Variants in PCK2 observed in about 807,000 individuals in gnomAD.
PCK2 encodes phosphoenolpyruvate carboxykinase 2, mitochondrial, also known as phosphoenolpyruvate carboxykinase [GTP], mitochondrial.
In PCK2, 56 loss-of-function variants were observed where a neutral mutation model predicts 65.9. The observed-to-expected ratio is 0.85, with a 90% CI of 0.69 to 1.06. PCK2 has a LOEUF of 1.06. PCK2 is among the 50% of genes least tolerant of loss of function. The probability of loss-of-function intolerance (pLI) is 0.00; values close to 1 mark genes in which losing one functional copy is unlikely to be tolerated. For synonymous variants in PCK2, 305 were observed against 319.6 expected, an observed-to-expected ratio of 0.95 and a Z score of 0.49; for missense variants, 843 against 863.1, an observed-to-expected ratio of 0.98 and a Z score of 0.29.
chr14:24,100,919 C>T (rs534892520), intron 7 of PCK2, among the ~76,000 whole-genome samples: 1 of 152,336 alleles, frequency 6.6e-6, no homozygotes, highest in South Asian at 2.1e-4. Context: ...CAGCCCTGCA[C>T]TCTGGACCTT....
chr14:24,103,489 C>G, intron 9 of PCK2, 21 bp from the exon 10 acceptor site: 1 of 1,530,536 alleles, frequency 6.5e-7, no homozygotes, highest in South Asian at 1.3e-5. Flanking sequence ...AGATTCCTTA[C>G]CCATCTTGCT....
chr14:24,104,120 AT>A lies in PCK2; in HGVS notation c.*160del. On this transcript the variant is annotated 3_prime_UTR_variant, in exon 10 of 10. Transcript: ENST00000216780. ...GTCCAATAATAAGAGATGCTTATCT[AT>A]TTTACACAAGATTTGTGCTGTTTTC... 1 of 617,308 alleles carries A rather than the reference AT, an allele frequency of 1.6e-6. No individual in the cohort carries two copies. Among genetic ancestry groups the A allele is most frequent in the Non-Finnish European group, 2.9e-6 (1 of 344,650 alleles). 38.2% of individuals were successfully genotyped at this position (617,308 alleles called of 1,614,324 possible).
At chr14:24,100,372 T>C (rs990428663) in intron 7 of PCK2, 159 bp downstream of exon 7, 1 of 1,426,988 alleles carries the variant, frequency 7.0e-7, no homozygotes, top group South Asian at 1.5e-5. Context: ...TCTCAGTTCA[T>C]GTCCCAACTC....
intron 7 of PCK2, chr14:24,100,599 A>G: frequency 9.3e-7 from 1 of 1,071,974 alleles, no homozygotes; most frequent in Non-Finnish European, 1.1e-6. Flanking sequence ...AGGAAAAGGA[A>G]GGACTTTTGA....
rs1566577887 is a variant in PCK2, at chr14:24,099,607, C to G, written c.902C>G (p.Ala301Gly). 1 of 1,613,324 alleles carries G rather than the reference C, an allele frequency of 6.2e-7. No individual in the cohort carries two copies. The highest frequency in any genetic ancestry group is 1.1e-5 in the South Asian group (1 of 90,920). Reference protein sequence around the residue: ...PAGKKRYVAAAFPSACGKTNL... With the variant: ...PAGKKRYVAAGFPSACGKTNL... ...GGGAAGAAGCGCTATGTGGCAGCCGCCTTCCCTAGTGCCTGTGGCAAGACC... is the reference window on the plus strand; with the variant it reads ...GGGAAGAAGCGCTATGTGGCAGCCGGCTTCCCTAGTGCCTGTGGCAAGACC... Residue 301 changes from alanine (A) to glycine (G), a missense_variant, in exon 6 of 10, where the codon GCC becomes GGC. Ala to Gly is a moderately conservative substitution (Grantham distance 60, BLOSUM62 0). Coordinates refer to ENST00000216780, the MANE Select transcript of PCK2 (RefSeq NM_004563.4).
intron 2 of PCK2, among the ~76,000 whole-genome samples, chr14:24,097,432 C>T (rs951237544): frequency 5.3e-5 from 8 of 151,136 alleles, no homozygotes; most frequent in African/African-American, 1.5e-4. Context: ...AGCATGGCAG[C>T]GCATGCCTGT....
rs145739132 is a variant in PCK2 at position 24,103,948 on chromosome 14, G to C, written c.1907G>C (p.Arg636Pro). The C allele has an allele frequency of 1.2e-6, 2 of 1,613,652 alleles. No individual in the cohort carries two copies. Among genetic ancestry groups the C allele is most frequent in the Admixed American group, 3.3e-5 (2 of 60,030 alleles). ...GCTGAGCTTGAGGCCCTGGAGAGAC[G>C]TGTGCACAAAATGTGACCTGAGGCC... is the stretch of plus-strand genomic sequence containing the variant. ...VLAELEALER[R>P]VHKM The change falls in exon 10 of 10, where the codon CGT becomes CCT. Residue 636 changes from arginine to proline, a missense_variant. Coordinates refer to ENST00000216780, the MANE Select transcript of PCK2 (RefSeq NM_004563.4).
chr14:24,103,137 G>A (rs760364621), intron 8 of PCK2, 23 bp from the exon 9 acceptor site: 6 of 1,580,358 alleles, frequency 3.8e-6, no homozygotes, highest in Non-Finnish European at 5.2e-6. Flanking sequence ...GGCTGCCTGT[G>A]ACTCTGTTCA....
rs910897769 is a variant in PCK2 at position 24,103,443 on chromosome 14, G to A, written c.1469-67G>A. 2.9e-6 allele frequency: 4 copies of A among 1,373,660 alleles called. No individual in the cohort carries two copies. In the African/African-American group the frequency reaches 5.8e-5, roughly 20 times the overall value. The allele number at this position is 1,373,660 out of a possible 1,614,324, so 85.1% of individuals were successfully genotyped here. On this transcript the variant is annotated intron_variant, in intron 9 of 9. Transcript: ENST00000216780. ...AGCCTTTCACAGCTTCCTCCAACTGGATGCAGGGTGCCCTTCCCTACCCCA... is the reference window on the plus strand; with the variant it reads ...AGCCTTTCACAGCTTCCTCCAACTGAATGCAGGGTGCCCTTCCCTACCCCA...
At position 24,098,202 on chromosome 14, in the gene PCK2, G is replaced by T. The variant is rs1205092445; in HGVS notation, c.276-1G>T. The T allele has an allele frequency of 1.3e-6, 2 of 1,591,928 alleles. No homozygotes were observed. The highest frequency in any genetic ancestry group is 1.7e-6 in the Non-Finnish European group (2 of 1,165,164). On this transcript the variant is annotated splice_acceptor_variant, in intron 2 of 9. Transcript: ENST00000216780. LOFTEE classifies it high-confidence loss of function. ...CTTCCTGACAATCCCCTCTCCCCCAGCTGGCTGGCCCGCACAGACCCCAAG... is the reference window on the plus strand; with the variant it reads ...CTTCCTGACAATCCCCTCTCCCCCATCTGGCTGGCCCGCACAGACCCCAAG...
intron 1 of PCK2, among the ~76,000 whole-genome samples, chr14:24,095,719 G>C (rs2036843605): frequency 6.6e-6 from 1 of 152,142 alleles, no homozygotes; most frequent in Admixed American, 6.5e-5. Flanking sequence ...TGCTCTCTCG[G>C]GTTTACTCCA....
Position 24,103,656 on chromosome 14 carries a change from G to A in PCK2, c.1615G>A (p.Glu539Lys), listed in dbSNP as rs890813419. 1.8e-5 allele frequency: 29 copies of A among 1,614,082 alleles called. No homozygotes were observed. The highest frequency in any genetic ancestry group is 1.1e-4 in the African/African-American group (8 of 74,932). The change falls in exon 10 of 10, where the codon GAG becomes AAG. Residue 539 changes from glutamate (E) to lysine (K), a missense_variant. Glu to Lys is a moderately conservative substitution (Grantham distance 56). Transcript: ENST00000216780. ...IFHVNWFRRD[E>K]AGHFLWPGFG... is the part of the protein sequence containing the mutation. ...CCATGTCAACTGGTTCCGGCGTGAC[G>A]AGGCAGGGCACTTCCTGTGGCCAGG...
chr14:24,103,327 AC>A, intron 9 of PCK2, 72 bp downstream of exon 9: 1 of 1,333,862 alleles, frequency 7.5e-7, no homozygotes, highest in Non-Finnish European at 1.1e-6. Flanking sequence ...CCTGAGCCAG[AC>A]CTTCCTTTTG....
In PCK2 at chr14:24,104,083, C is replaced by A; in HGVS notation, c.*119C>A. ...ACATCTTCAATGTGCCATAGACCTT[C>A]CCACAAAGACTGTCCAATAATAAGA... On this transcript the variant is annotated 3_prime_UTR_variant, in exon 10 of 10. Transcript: ENST00000216780. The A allele has an allele frequency of 1.5e-6, 1 of 668,352 alleles. No individual in the cohort carries two copies. The allele number at this position is 668,352 out of a possible 1,614,324, so 41.4% of individuals were successfully genotyped here.
chr14:24,097,137 G>A lies in PCK2; in HGVS notation c.275G>A (p.Cys92Tyr). ...CGAAAGCTCCCCAAGTACAATAACT[G>A]GTAAGCCTTGGGCTCCACAACCTGC... ...LIRKLPKYNN[C>Y]WLARTDPKDV... Residue 92 changes from cysteine to tyrosine, a missense_variant and splice_region_variant, in exon 2 of 10, where the codon TGC becomes TAC. Physicochemically the swap from Cys to Tyr is radical, Grantham distance 194. Coordinates refer to ENST00000216780, the MANE Select transcript of PCK2 (RefSeq NM_004563.4). 6.2e-7 allele frequency: 1 copy of A among 1,613,602 alleles called. No homozygotes were observed. Among genetic ancestry groups the A allele is most frequent in the Non-Finnish European group, 8.5e-7 (1 of 1,179,770 alleles).
chr14:24,102,714 T>A, intron 7 of PCK2, 39 bp from the exon 8 acceptor site: 1 of 1,588,570 alleles, frequency 6.3e-7, no homozygotes, highest in East Asian at 2.2e-5. Context: ...GGGGTCGACA[T>A]GACCTTGGAA....
At chr14:24,102,671 T>G in intron 7 of PCK2, 82 bp from the exon 8 acceptor site, 1 of 1,193,752 alleles carries the variant, frequency 8.4e-7, no homozygotes, top group Non-Finnish European at 1.2e-6. Context: ...AAAAGAACCC[T>G]GCAAGAATGT....
At chr14:24,094,216 G>T (rs796492173), upstream of PCK2, 1 of 584,244 alleles carries the variant, frequency 1.7e-6, no homozygotes, top group South Asian at 2.1e-5. This position sits in a 1 kb window ranked among gnomAD's most constrained non-coding sequence, Gnocchi z 4.1. Flanking sequence ...GAGCTGGCCT[G>T]CCAGCGGGGC....
At chr14:24,094,197 G>GGGCC (rs2036741518), upstream of PCK2, 1 of 564,444 alleles carries the variant, frequency 1.8e-6, no homozygotes, top group Non-Finnish European at 3.1e-6. The surrounding 1 kb of genome is among the most constrained non-coding windows in gnomAD (Gnocchi z 4.1). Flanking sequence ...TGGAGCCCCG[G>GGGCC]GGCCGAGGGA....
Sources: allele counts gnomAD v4.1 joint callset (sites outside exome capture counted in the v4.1 genomes callset), GRCh38; gene constraint gnomAD v4.1.1; non-coding constraint Gnocchi (gnomAD v3.1); transcripts MANE v1.5; gene names NCBI Gene and HGNC (gene_info 2026-07-23, HGNC 2026-07-21).